Variants in DYNC1I1 observed in about 807,000 individuals in gnomAD.
DYNC1I1 encodes dynein cytoplasmic 1 intermediate chain 1, also known as cytoplasmic dynein 1 intermediate chain 1.
In DYNC1I1, 43 loss-of-function variants were observed where a neutral mutation model predicts 86.6. The observed-to-expected ratio is 0.50, with a 90% confidence interval of 0.39 to 0.64. DYNC1I1 has a LOEUF of 0.64. Ranked by LOEUF, DYNC1I1 falls within the 30% of genes least tolerant of loss-of-function variation. DYNC1I1 has a pLI of 0.00. For synonymous variants in DYNC1I1, 262 were observed against 283.7 expected, an observed-to-expected ratio of 0.92 and a Z score of 0.77; for missense variants, 604 against 788.8, an observed-to-expected ratio of 0.77 and a Z score of 2.81.
chr7:96,105,357 A>G (rs1245487443), intron 16 of DYNC1I1, among the ~76,000 whole-genome samples: 1 of 151,742 alleles, frequency 6.6e-6, no homozygotes, highest in African/African-American at 2.4e-5. Context: ...TAGCTAGGAA[A>G]GTCTTTATCA....
intron 15 of DYNC1I1, among the ~76,000 whole-genome samples, chr7:96,078,363 T>A (rs1790406105): frequency 1.3e-5 from 2 of 152,174 alleles, no homozygotes; most frequent in Admixed American, 6.5e-5. Flanking sequence ...AGAGAACATA[T>A]GAATTGTTTT....
chr7:95,986,023 C>T (rs200863348), intron 8 of DYNC1I1, among the ~76,000 whole-genome samples: 3 of 132,656 alleles, frequency 2.3e-5, no homozygotes, highest in Non-Finnish European at 3.1e-5. Flanking sequence ...CCTGGCAGGA[C>T]GTGTGTGTGT....
chr7:96,096,734 T>C (rs970811486), intron 16 of DYNC1I1, among the ~76,000 whole-genome samples: 3 of 152,158 alleles, frequency 2.0e-5, no homozygotes, highest in African/African-American at 7.2e-5. Flanking sequence ...TGAATCAGTA[T>C]AGCATACTGG....
intron 6 of DYNC1I1, among the ~76,000 whole-genome samples, chr7:95,967,123 C>G (rs1426909423): frequency 6.6e-6 from 1 of 152,046 alleles, no homozygotes; most frequent in Non-Finnish European, 1.5e-5. Flanking sequence ...ATTAATGGAG[C>G]CTACTCCCAA....
intron 7 of DYNC1I1, among the ~76,000 whole-genome samples, chr7:95,981,537 TA>T (rs1355316831): frequency 4.6e-5 from 7 of 152,128 alleles, no homozygotes; most frequent in Non-Finnish European, 1.0e-4. Flanking sequence ...AAATTCAATA[TA>T]ACTGGTTAAA....
Position 96,093,486 on chromosome 7 carries a change from A to C in DYNC1I1, c.1777-3997A>C, listed in dbSNP as rs959945975. 2.0e-5 allele frequency among the ~76,000 whole-genome samples: 3 copies of C among 152,198 alleles called. 1 individual carries two copies. The highest frequency in any genetic ancestry group is 1.5e-5 in the Non-Finnish European group (1 of 68,034). On this transcript the variant is annotated intron_variant, in intron 16 of 16. Coordinates refer to ENST00000447467, the MANE Select transcript of DYNC1I1 (RefSeq NM_001135556.2). Reference sequence around the variant, plus strand: ...GTAAAAATGGGATTGTATCATATCTATAAAAGGTGATCTCTTTTAGAGTTA... The same window carrying C: ...GTAAAAATGGGATTGTATCATATCTCTAAAAGGTGATCTCTTTTAGAGTTA...
At chr7:96,060,572 T>C (rs887113153) in intron 14 of DYNC1I1, among the ~76,000 whole-genome samples, 1 of 152,148 alleles carries the variant, frequency 6.6e-6, no homozygotes, top group East Asian at 1.9e-4. Context: ...ATGATAAATA[T>C]GTCCAAACCC....
intron 14 of DYNC1I1, among the ~76,000 whole-genome samples, chr7:96,055,207 A>G (rs1317885780): frequency 6.6e-6 from 1 of 152,046 alleles, no homozygotes; most frequent in East Asian, 1.9e-4. Context: ...TCCCAACTCC[A>G]TTTATTAAAT....
chr7:96,094,364 T>G (rs996609848), intron 16 of DYNC1I1, among the ~76,000 whole-genome samples: 3 of 152,206 alleles, frequency 2.0e-5, no homozygotes, highest in Admixed American at 1.3e-4. Context: ...AAAAATCTCC[T>G]AGAGAAAATC....
chr7:95,968,864 GTGTGTGTA>G (rs1793089304), intron 6 of DYNC1I1, among the ~76,000 whole-genome samples: 1 of 149,270 alleles, frequency 6.7e-6, no homozygotes. Context: ...GTGTGTGTGT[GTGTGTGTA>G]GGCATGTGCA....
chr7:95,814,989 G>GT (rs550209513), intron 4 of DYNC1I1, among the ~76,000 whole-genome samples: 1 of 151,828 alleles, frequency 6.6e-6, no homozygotes, highest in African/African-American at 2.4e-5. Context: ...ACATTTCTTG[G>GT]GGGGGGTCCA....
At chr7:95,934,555 G>T (rs1364484856) in intron 6 of DYNC1I1, among the ~76,000 whole-genome samples, 2 of 151,968 alleles carry the variant, frequency 1.3e-5, no homozygotes, top group Non-Finnish European at 2.9e-5. Context: ...CTGTTAGTTT[G>T]TTGTCTTGGC....
chr7:95,780,491 G>T (rs1793964066), intron 1 of DYNC1I1, among the ~76,000 whole-genome samples: 1 of 149,370 alleles, frequency 6.7e-6, no homozygotes, highest in South Asian at 2.1e-4. Flanking sequence ...TGTTAGCCAG[G>T]ATGGTCTCGA....
chr7:95,789,508 C>T lies in DYNC1I1; in HGVS notation c.-9-15213C>T, dbSNP rs144319042. ...TATTTTATGTTTTTTTCTCTTTAAT[C>T]GTCTGGTAGATTTAAACAAATAGAG... On this transcript the variant is annotated intron_variant, in intron 1 of 16. Transcript: ENST00000447467. Among the ~76,000 whole-genome samples the T allele has an allele frequency of 3.0e-3, 453 of 152,228 alleles. 4 individuals are homozygous for T. Among genetic ancestry groups the T allele is most frequent in the African/African-American group, 0.01 (424 of 41,540 alleles).
At chr7:96,107,523 G>A (rs953816523) in intron 16 of DYNC1I1, among the ~76,000 whole-genome samples, 3 of 149,972 alleles carry the variant, frequency 2.0e-5, no homozygotes, top group South Asian at 4.2e-4. Context: ...TGGGGATATC[G>A]TAATTTCTTC....
At chr7:95,923,935 G>C (rs1185663344) in intron 6 of DYNC1I1, among the ~76,000 whole-genome samples, 1 of 152,068 alleles carries the variant, frequency 6.6e-6, no homozygotes, top group Non-Finnish European at 1.5e-5. Context: ...GTGACACCAA[G>C]GCATGGGAAG....
At chr7:95,953,418 G>GAA (rs752704517) in intron 6 of DYNC1I1, among the ~76,000 whole-genome samples, 1 of 147,140 alleles carries the variant, frequency 6.8e-6, no homozygotes, top group Admixed American at 6.7e-5. Flanking sequence ...AAGAAAGAAA[G>GAA]AGAGAGAGAG....
chr7:95,986,200 G>A (rs1406683446), intron 8 of DYNC1I1, among the ~76,000 whole-genome samples: 2 of 152,204 alleles, frequency 1.3e-5, no homozygotes, highest in African/African-American at 4.8e-5. Context: ...TATAAGTTAA[G>A]TGATGCAGGG....
intron 4 of DYNC1I1, among the ~76,000 whole-genome samples, chr7:95,821,031 A>G (rs1269310527): frequency 2.0e-5 from 3 of 152,374 alleles, no homozygotes; most frequent in South Asian, 2.1e-4. Context: ...TTAGGGAGAC[A>G]TGCCCTGATT....
Sources: allele counts gnomAD v4.1 joint callset (sites outside exome capture counted in the v4.1 genomes callset), GRCh38; gene constraint gnomAD v4.1.1; transcripts MANE v1.5; gene names NCBI Gene and HGNC (gene_info 2026-07-23, HGNC 2026-07-21).